The following CSMD2 variants were observed in gnomAD, a reference collection of about 807,000 sequenced individuals.
The protein encoded by CSMD2 is CUB and Sushi multiple domains 2.
A neutral mutation model predicts 398.5 loss-of-function variants in CSMD2; 130 were observed. The ratio of observed to expected loss-of-function variants is 0.33; its 90% CI spans 0.28 to 0.38. CSMD2 has a LOEUF of 0.38. CSMD2 is among the 10% of genes least tolerant of loss of function. CSMD2 has a pLI of 1.00. For synonymous variants in CSMD2, 1,828 were observed against 1,908.5 expected, an observed-to-expected ratio of 0.96 and a Z score of 1.10; for missense variants, 3,829 against 4,764.9, an observed-to-expected ratio of 0.80 and a Z score of 5.78.
At chr1:34,122,085 C>T (rs1283472261) in intron 1 of CSMD2, among the ~76,000 whole-genome samples, 1 of 150,682 alleles carries the variant, frequency 6.6e-6, no homozygotes, top group Non-Finnish European at 1.5e-5. Flanking sequence ...AGCAGAACAA[C>T]GGTTCTAAAT....
chr1:33,782,305 G>T (rs1413971734), intron 12 of CSMD2, among the ~76,000 whole-genome samples: 1 of 152,188 alleles, frequency 6.6e-6, no homozygotes, highest in Non-Finnish European at 1.5e-5. Flanking sequence ...AGGTAATGAT[G>T]TAGGTTGGAA....
chr1:33,929,282 A>G (rs1484020471), intron 4 of CSMD2, among the ~76,000 whole-genome samples: 1 of 152,046 alleles, frequency 6.6e-6, no homozygotes, highest in East Asian at 1.9e-4. Flanking sequence ...CTGGTTGCCC[A>G]TAATAGCTGC....
At chr1:33,600,007 C>A in intron 44 of CSMD2, 1 of 618,442 alleles carries the variant, frequency 1.6e-6, no homozygotes, top group Non-Finnish European at 2.9e-6. Flanking sequence ...TGGGCAAGTA[C>A]TTGAGCCTTC....
intron 3 of CSMD2, among the ~76,000 whole-genome samples, chr1:33,986,476 T>C (rs1224911981): frequency 6.6e-6 from 1 of 152,086 alleles, no homozygotes; most frequent in African/African-American, 2.4e-5. Flanking sequence ...CAGAGAAGCA[T>C]GAAATCTTGT....
chr1:33,927,444 G>A (rs1029352007), intron 4 of CSMD2, among the ~76,000 whole-genome samples: 1 of 152,160 alleles, frequency 6.6e-6, no homozygotes, highest in Non-Finnish European at 1.5e-5. Context: ...TATGGGCCAG[G>A]CATTGTGCAA....
chr1:33,944,146 CCA>C (rs911358772), intron 3 of CSMD2, among the ~76,000 whole-genome samples: 3 of 152,102 alleles, frequency 2.0e-5, no homozygotes, highest in African/African-American at 7.2e-5. Context: ...GCCAGCTGAC[CCA>C]CAGACCACAG....
rs1653732197 is a variant in CSMD2 at position 33,516,009 on chromosome 1, G to A, written c.*615C>T. Reference sequence around the variant, plus strand: ...CCTTGGGGTAATCCTTGCTGCCGCTGTGCAGATGGGCCGTTCATCAGCAGA... The same window carrying A: ...CCTTGGGGTAATCCTTGCTGCCGCTATGCAGATGGGCCGTTCATCAGCAGA... On this transcript the variant is annotated 3_prime_UTR_variant, in exon 71 of 71. Coordinates refer to ENST00000373381, the MANE Select transcript of CSMD2 (RefSeq NM_001281956.2). 6.6e-6 allele frequency: 1 copy of A among 152,168 alleles called. No homozygotes were observed. The allele number at this position is 152,168 out of a possible 1,614,324, so 9.4% of individuals were successfully genotyped here.
chr1:33,631,956 A>G lies in CSMD2; in HGVS notation c.5200+1466T>C, dbSNP rs553974969. The stretch of plus-strand genomic sequence containing the variant: ...TTAAAATTATTATATAGTAAACACT[A>G]TTATAGTGTTATAATAATTAAAACT... On this transcript the variant is annotated intron_variant, in intron 32 of 70. Transcript: ENST00000373381. 3.3e-5 allele frequency among the ~76,000 whole-genome samples: 5 copies of G among 152,240 alleles called. No individual in the cohort carries two copies. The East Asian group carries it at 9.6e-4, about 29-fold the overall frequency.
intron 2 of CSMD2, among the ~76,000 whole-genome samples, chr1:34,073,612 A>C (rs1157489030): frequency 6.6e-6 from 1 of 152,210 alleles, no homozygotes; most frequent in African/African-American, 2.4e-5. Flanking sequence ...TACATTTACT[A>C]TTTTAGAGAA....
At chr1:34,018,770 T>C (rs978570257) in intron 3 of CSMD2, among the ~76,000 whole-genome samples, 1 of 152,256 alleles carries the variant, frequency 6.6e-6, no homozygotes, top group African/African-American at 2.4e-5. Flanking sequence ...TGTTGCCACA[T>C]TTGGTAGAAT....
intron 11 of CSMD2, among the ~76,000 whole-genome samples, chr1:33,790,061 C>T (rs527712731): frequency 6.6e-6 from 1 of 152,142 alleles, no homozygotes; most frequent in South Asian, 2.1e-4. Flanking sequence ...TGTCAAAGCA[C>T]ATTGGGATTG....
chr1:33,600,367 AC>A (rs767427917), intron 44 of CSMD2: 23 of 583,356 alleles, frequency 3.9e-5, no homozygotes, highest in Non-Finnish European at 6.4e-5. Flanking sequence ...CTAACTTGGG[AC>A]TTGTAGAAGA....
intron 5 of CSMD2, among the ~76,000 whole-genome samples, chr1:33,890,316 C>T (rs532139705): frequency 2.0e-5 from 3 of 150,590 alleles, no homozygotes; most frequent in Non-Finnish European, 4.4e-5. Context: ...CTGCAAGCTC[C>T]GCCTCCCGGG....
chr1:33,814,284 T>C (rs1657201329), intron 9 of CSMD2: 1 of 152,180 alleles, frequency 6.6e-6, no homozygotes, highest in Admixed American at 6.5e-5. Flanking sequence ...CACCATACAG[T>C]TGAGCTTTGC....
At chr1:33,955,923 C>T (rs938056699) in intron 3 of CSMD2, among the ~76,000 whole-genome samples, 4 of 152,142 alleles carry the variant, frequency 2.6e-5, no homozygotes, top group African/African-American at 7.2e-5. Flanking sequence ...GGTGGCCACA[C>T]CAGTGCATGA....
At chr1:33,890,046 A>T (rs1418932629) in intron 5 of CSMD2, among the ~76,000 whole-genome samples, 1 of 45,356 alleles carries the variant, frequency 2.2e-5, no homozygotes, top group Non-Finnish European at 3.9e-5. Flanking sequence ...CATACCTATA[A>T]AAAAAAGAGA....
chr1:33,566,074 T>C (rs1482973094), intron 53 of CSMD2, among the ~76,000 whole-genome samples: 2 of 150,262 alleles, frequency 1.3e-5, no homozygotes, highest in Non-Finnish European at 3.0e-5. Flanking sequence ...AGATTCAACA[T>C]ACACATAATC....
intron 44 of CSMD2, among the ~76,000 whole-genome samples, chr1:33,590,294 A>ATTTTTTTT (rs56252015): frequency 1.9e-4 from 14 of 73,858 alleles, no homozygotes; most frequent in African/African-American, 2.8e-4. Flanking sequence ...GCTAATTAAA[A>ATTTTTTTT]TTTTTTTTTT....
chr1:33,935,861 C>G lies in CSMD2; in HGVS notation c.611G>C (p.Ser204Thr). The change falls in exon 4 of 71, where the codon AGC (serine) becomes ACC (threonine). Residue 204 changes from serine to threonine, a missense_variant. Ser to Thr is a moderately conservative substitution (Grantham distance 58, BLOSUM62 1). Around this residue, in one of 5 missense-constraint regions of CSMD2, gnomAD observed 2,001 missense variants for 2,567.1 expected, o/e 0.78. Coordinates refer to ENST00000373381, the MANE Select transcript of CSMD2 (RefSeq NM_001281956.2). Reference protein sequence around the residue: ...TFNLGDKVRYSCNLGFFLEGH... With the variant: ...TFNLGDKVRYTCNLGFFLEGH... ...CTCCAGGAAGAAGCCAAGGTTGCAGCTGTAGCGGACCTTGTCACCGAGGTT... is the reference window on the plus strand; with the variant it reads ...CTCCAGGAAGAAGCCAAGGTTGCAGGTGTAGCGGACCTTGTCACCGAGGTT... 6.2e-7 allele frequency: 1 copy of G among 1,614,216 alleles called. No homozygotes were observed. The highest frequency in any genetic ancestry group is 8.5e-7 in the Non-Finnish European group (1 of 1,180,012).
Sources: allele counts gnomAD v4.1 joint callset (sites outside exome capture counted in the v4.1 genomes callset), GRCh38; gene constraint gnomAD v4.1.1; regional missense constraint gnomAD v4.1.1; transcripts MANE v1.5; gene names NCBI Gene and HGNC (gene_info 2026-07-23, HGNC 2026-07-21).